The following RFC1 variants were observed in gnomAD, a reference collection of about 807,000 sequenced individuals.
RFC1 encodes A1 140 kDa subunit.
Under a neutral mutation model 137.4 loss-of-function variants are expected in RFC1, and 37 were observed. That is an observed-to-expected ratio of 0.27 (90% CI 0.21 to 0.35). RFC1 has a LOEUF of 0.35. Ranked by LOEUF, RFC1 falls within the 10% of genes least tolerant of loss-of-function variation. The probability of loss-of-function intolerance (pLI) is 1.00; values close to 1 mark genes in which losing one functional copy is unlikely to be tolerated. For synonymous variants in RFC1, 429 were observed against 455.7 expected (o/e 0.94, Z 0.75); for missense variants, 1,205 against 1,358.5 (o/e 0.89, Z 1.78).
In RFC1 at chr4:39,308,775, T is replaced by C. The variant is rs1305446845; in HGVS notation, c.1746A>G (p.Glu582=). ...LADDSSENKV[E]NLLWVDKYKP... is the part of the protein sequence containing the mutation. The stretch of plus-strand genomic sequence containing the variant: ...TATATTTATCCACCCAGAGCAAATT[T>C]TCCACTTTGTTTTCACTGCTGTCAT... Residue 582 remains glutamate (E), a synonymous_variant, in exon 13 of 25, where the codon GAA becomes GAG. Coordinates refer to ENST00000349703, the MANE Select transcript of RFC1 (RefSeq NM_002913.5). 5.6e-6 allele frequency: 9 copies of C among 1,614,066 alleles called. No individual in the cohort carries two copies. The East Asian group carries it at 1.3e-4, about 24-fold the overall frequency.
At chr4:39,357,057 C>T (rs1259946863) in intron 1 of RFC1, among the ~76,000 whole-genome samples, 14 of 152,190 alleles carry the variant, frequency 9.2e-5, no homozygotes, top group Non-Finnish European at 2.1e-4. Context: ...ATAAACAAAA[C>T]AGGCTAGGTC....
chr4:39,341,574 A>C (rs535060901), intron 4 of RFC1: 18 of 454,396 alleles, frequency 4.0e-5, no homozygotes, highest in South Asian at 2.8e-4. Context: ...TTTTCTTTTT[A>C]TTTTTTCCTT....
intron 2 of RFC1, among the ~76,000 whole-genome samples, chr4:39,347,595 A>T (rs914442091): frequency 6.6e-6 from 1 of 152,230 alleles, no homozygotes; most frequent in Non-Finnish European, 1.5e-5. Context: ...TACAGAAGTG[A>T]CTTTGGAACT....
chr4:39,366,253 G>A lies in RFC1; in HGVS notation c.-12C>T, dbSNP rs1188260334. The A allele has an allele frequency of 6.5e-7, 1 of 1,543,936 alleles. No individual in the cohort carries two copies. Reference sequence around the variant, plus strand: ...CAGCGGCTCACCATCGCAGCCCCAGGATGAAGGCGCTGGCTGGCTGGCGGG... The same window carrying A: ...CAGCGGCTCACCATCGCAGCCCCAGAATGAAGGCGCTGGCTGGCTGGCGGG... On this transcript the variant is annotated 5_prime_UTR_variant, in exon 1 of 25. Coordinates refer to ENST00000349703, the MANE Select transcript of RFC1 (RefSeq NM_002913.5).
chr4:39,290,880 A>C (rs1360535000), intron 23 of RFC1, among the ~76,000 whole-genome samples: 2 of 152,028 alleles, frequency 1.3e-5, no homozygotes, highest in African/African-American at 4.8e-5. Context: ...TCCACAAAAC[A>C]CTAGATACCT....
chr4:39,341,361 C>A, intron 4 of RFC1: 1 of 335,568 alleles, frequency 3.0e-6, no homozygotes, highest in Non-Finnish European at 5.9e-6. Flanking sequence ...AGTTCGTTTA[C>A]ACAGTGTGCC....
intron 1 of RFC1, among the ~76,000 whole-genome samples, chr4:39,358,728 CG>C (rs1741603756): frequency 6.6e-6 from 1 of 152,278 alleles, no homozygotes; most frequent in South Asian, 2.1e-4. Flanking sequence ...ATATTTTCCA[CG>C]GAAATACGAA....
intron 4 of RFC1, among the ~76,000 whole-genome samples, chr4:39,337,730 C>T (rs1473860206): frequency 6.6e-6 from 1 of 152,102 alleles, no homozygotes; most frequent in African/African-American, 2.4e-5. Context: ...CTATATGTCT[C>T]TAAAAGTTAG....
At chr4:39,324,963 CT>C (rs894252165) in intron 6 of RFC1, among the ~76,000 whole-genome samples, 14 of 152,192 alleles carry the variant, frequency 9.2e-5, no homozygotes, top group Non-Finnish European at 1.9e-4. Flanking sequence ...CCCTGAAATA[CT>C]TTCTTTGGCT....
In RFC1 at chr4:39,366,150, C is replaced by G. The variant is rs981200504; in HGVS notation, c.3+89G>C. The G allele has an allele frequency of 1.1e-5, 15 of 1,409,256 alleles. No individual in the cohort carries two copies. In the Admixed American group the frequency reaches 3.3e-4, roughly 31 times the overall value. The allele number at this position is 1,409,256 out of a possible 1,614,324, so 87.3% of individuals were successfully genotyped here. A position where few individuals can be genotyped will look rare whatever the true frequency, so the allele number is the denominator to read the frequency against. ...CGGAACCACCCACCGCCATCCTCCC[C>G]CACCCTGCATACCAGGAGTGCCCGG... On this transcript the variant is annotated intron_variant, in intron 1 of 24. Transcript: ENST00000349703.
intron 19 of RFC1, among the ~76,000 whole-genome samples, chr4:39,301,765 G>A (rs1738374210): frequency 6.6e-6 from 1 of 152,222 alleles, no homozygotes; most frequent in Non-Finnish European, 1.5e-5. Flanking sequence ...GGGAAACATA[G>A]CGAGACCCTG....
At chr4:39,327,497 A>AT in intron 5 of RFC1, 27 bp downstream of exon 5, 1 of 1,462,100 alleles carries the variant, frequency 6.8e-7, no homozygotes, top group Non-Finnish European at 9.4e-7. Context: ...AATCCTGAGC[A>AT]TACTTGCTTA....
intron 2 of RFC1, among the ~76,000 whole-genome samples, chr4:39,348,434 GAAA>G (rs1164416980): frequency 2.3e-5 from 2 of 86,846 alleles, no homozygotes; most frequent in African/African-American, 4.3e-5. Flanking sequence ...AAAAAGAAAA[GAAA>G]AGAAAAGAAA....
At position 39,342,393 on chromosome 4, in the gene RFC1, G is replaced by C. The variant is rs1177398955; in HGVS notation, c.283C>G (p.Pro95Ala). ...PPEKLPVSSK[P>A]GKISRQDPVT... ...GGATCCTGCCGTGAAATTTTACCAG[G>C]TTTAGAAGATACTGGCAGTTTTTCT... Residue 95 changes from proline to alanine, a missense_variant, in exon 4 of 25, where the codon CCT becomes GCT. Physicochemically the swap from Pro to Ala is conservative, Grantham distance 27 (BLOSUM62 -1). Transcript: ENST00000349703. The C allele has an allele frequency of 6.2e-7, 1 of 1,613,448 alleles. No individual in the cohort carries two copies. Among genetic ancestry groups the C allele is most frequent in the African/African-American group, 1.3e-5 (1 of 74,986 alleles).
chr4:39,306,609 C>T lies in RFC1; in HGVS notation c.1978G>A (p.Ala660Thr). ...GPPGVGKTTT[A>T]SLVCQELGYS... ...GCACCCACCTGACACACCAGGGAAG[C>T]TGTGGTGGTTTTGCCAACACCAGGA... is the stretch of plus-strand genomic sequence containing the variant. The change falls in exon 14 of 25, where the codon GCT becomes ACT. Residue 660 changes from alanine (A) to threonine (T), a missense_variant. By Grantham distance (58) the Ala-to-Thr change is moderately conservative. Coordinates refer to ENST00000349703, the MANE Select transcript of RFC1 (RefSeq NM_002913.5). The T allele has an allele frequency of 1.3e-6, 2 of 1,599,666 alleles. No homozygotes were observed. The highest frequency in any genetic ancestry group is 2.7e-5 in the African/African-American group (2 of 74,808).
chr4:39,333,813 G>A (rs1461844831), intron 4 of RFC1, among the ~76,000 whole-genome samples: 4 of 152,058 alleles, frequency 2.6e-5, no homozygotes, highest in Admixed American at 2.6e-4. Flanking sequence ...ATGTACTATA[G>A]CTAAACACAG....
chr4:39,329,396 C>T (rs982337307), intron 4 of RFC1, among the ~76,000 whole-genome samples: 22 of 151,656 alleles, frequency 1.5e-4, no homozygotes, highest in Non-Finnish European at 2.6e-4. Flanking sequence ...TCAAGACCAG[C>T]CTGGTCAACA....
At chr4:39,350,668 G>A (rs977970128) in intron 2 of RFC1, among the ~76,000 whole-genome samples, 7 of 151,928 alleles carry the variant, frequency 4.6e-5, no homozygotes, top group African/African-American at 1.2e-4. Context: ...GCAAAATAAA[G>A]ACATTTTCAG....
At position 39,366,220 on chromosome 4, in the gene RFC1, G is replaced by A. The variant is rs1742021124; in HGVS notation, c.3+19C>T. The A allele has an allele frequency of 6.4e-7, 1 of 1,553,344 alleles. No homozygotes were observed. ...GCCCCCCCAGACCCCGAGCCGCACG[G>A]CCTCCCCCAGCGGCTCACCATCGCA... On this transcript the variant is annotated intron_variant, in intron 1 of 24. Transcript: ENST00000349703.
Sources: allele counts gnomAD v4.1 joint callset (sites outside exome capture counted in the v4.1 genomes callset), GRCh38; gene constraint gnomAD v4.1.1; transcripts MANE v1.5; gene names NCBI Gene and HGNC (gene_info 2026-07-23, HGNC 2026-07-21).